PPM1H: variants seen among roughly 807,000 people sequenced by gnomAD.
PPM1H encodes the protein protein phosphatase, Mg2+/Mn2+ dependent 1H.
Under a neutral mutation model 54.9 loss-of-function variants are expected in PPM1H, and 27 were observed. The observed-to-expected ratio is 0.49, with a 90% CI of 0.36 to 0.68. The LOEUF (loss-of-function observed/expected upper bound fraction) is 0.68, where lower values mean the gene tolerates loss of function less well. Among genes scored for constraint, PPM1H ranks in the 30% least tolerant of loss-of-function variants. The pLI is 0.00. For synonymous variants in PPM1H, 305 were observed against 270.8 expected, an observed-to-expected ratio of 1.13 and a Z score of -1.24; for missense variants, 596 against 667.8, an observed-to-expected ratio of 0.89 and a Z score of 1.19.
chr12:62,755,636 A>T (rs1430566065), intron 4 of PPM1H: 9 of 654,180 alleles, frequency 1.4e-5, no homozygotes, highest in Non-Finnish European at 2.5e-5. Context: ...ATGAAGCATG[A>T]GAAGTAATGA....
chr12:62,677,084 C>A (rs1447150131), intron 8 of PPM1H, among the ~76,000 whole-genome samples: 1 of 152,120 alleles, frequency 6.6e-6, no homozygotes, highest in Non-Finnish European at 1.5e-5. Context: ...AACCTGCCTG[C>A]AGATAGGAGC....
At chr12:62,687,484 C>T (rs1186566536) in intron 8 of PPM1H, among the ~76,000 whole-genome samples, 2 of 151,860 alleles carry the variant, frequency 1.3e-5, no homozygotes, top group Admixed American at 1.3e-4. Context: ...ATGCTGGTCT[C>T]AAGCAATCCT....
At chr12:62,899,982 G>A (rs897104123) in intron 1 of PPM1H, among the ~76,000 whole-genome samples, 2 of 152,174 alleles carry the variant, frequency 1.3e-5, no homozygotes, top group African/African-American at 4.8e-5. Context: ...CAGCCATGTA[G>A]GACACAATAG....
At chr12:62,689,931 AG>A in intron 7 of PPM1H, 125 bp from the exon 8 acceptor site, 2 of 600,774 alleles carry the variant, frequency 3.3e-6, no homozygotes, top group Non-Finnish European at 5.9e-6. Flanking sequence ...ATATGTTTCC[AG>A]GCCCCTTGCT....
At chr12:62,761,883 C>T (rs1042369711) in intron 4 of PPM1H, among the ~76,000 whole-genome samples, 2 of 152,170 alleles carry the variant, frequency 1.3e-5, no homozygotes, top group East Asian at 1.9e-4. Flanking sequence ...TGAAGACTGA[C>T]CTCTGCAGAC....
chr12:62,770,302 T>TCCCCATTTC (rs1175852445), intron 4 of PPM1H, among the ~76,000 whole-genome samples: 1 of 152,114 alleles, frequency 6.6e-6, no homozygotes, highest in Non-Finnish European at 1.5e-5. Context: ...CCTCTTATTA[T>TCCCCATTTC]CCCCATTTCC....
rs1426076080 is a variant in PPM1H at position 62,926,228 on chromosome 12, G to A, written c.245+8264C>T. 1.3e-5 allele frequency among the ~76,000 whole-genome samples: 2 copies of A among 152,210 alleles called. 1 individual carries two copies. Among genetic ancestry groups the A allele is most frequent in the African/African-American group, 4.8e-5 (2 of 41,442 alleles). ...AGACTGAAAGAATGGCCACTTTGTT[G>A]CTGAATAGCTTTCTAGTTCAGGGTT... On this transcript the variant is annotated intron_variant, in intron 1 of 9. Coordinates refer to ENST00000228705, the MANE Select transcript of PPM1H (RefSeq NM_020700.2).
At chr12:62,843,113 T>G (rs1868817378) in intron 1 of PPM1H, among the ~76,000 whole-genome samples, 1 of 152,146 alleles carries the variant, frequency 6.6e-6, no homozygotes, top group South Asian at 2.1e-4. Context: ...GTCAGGAGTT[T>G]GAGACCAGTC....
intron 4 of PPM1H, among the ~76,000 whole-genome samples, chr12:62,742,993 G>C (rs183916247): frequency 2.6e-5 from 4 of 152,320 alleles, no homozygotes; most frequent in East Asian, 1.9e-4. Context: ...GTAAGGTTTA[G>C]GGTGTTCTTA....
intron 1 of PPM1H, among the ~76,000 whole-genome samples, chr12:62,855,888 G>A (rs1030721094): frequency 1.3e-5 from 2 of 152,202 alleles, no homozygotes; most frequent in African/African-American, 4.8e-5. Context: ...TACTTTGAAA[G>A]AGTTTGATCC....
intron 4 of PPM1H, among the ~76,000 whole-genome samples, chr12:62,752,775 G>T (rs2076449026): frequency 6.6e-6 from 1 of 152,148 alleles, no homozygotes; most frequent in Non-Finnish European, 1.5e-5. Context: ...TGTGGAAACA[G>T]AAAATTCTTA....
At chr12:62,856,499 A>T (rs1869395092) in intron 1 of PPM1H, among the ~76,000 whole-genome samples, 1 of 152,124 alleles carries the variant, frequency 6.6e-6, no homozygotes, top group Non-Finnish European at 1.5e-5. Context: ...GGTACATCCA[A>T]TGTATTACTG....
intron 1 of PPM1H, among the ~76,000 whole-genome samples, chr12:62,918,088 G>A (rs1871679778): frequency 6.6e-6 from 1 of 152,174 alleles, no homozygotes; most frequent in South Asian, 2.1e-4. Context: ...CCACAGCACT[G>A]TACAGCTGGG....
intron 2 of PPM1H, among the ~76,000 whole-genome samples, chr12:62,823,424 T>A (rs1256845189): frequency 6.6e-6 from 1 of 152,086 alleles, no homozygotes; most frequent in African/African-American, 2.4e-5. Flanking sequence ...TACCAAAGCC[T>A]GGCAGAGAGA....
At chr12:62,819,305 A>G (rs2076888289) in intron 2 of PPM1H, among the ~76,000 whole-genome samples, 1 of 149,680 alleles carries the variant, frequency 6.7e-6, no homozygotes, top group African/African-American at 2.5e-5. Flanking sequence ...AATTTTTTGT[A>G]TTTTTAGTAA....
At chr12:62,808,412 C>T (rs1388593025) in intron 2 of PPM1H, among the ~76,000 whole-genome samples, 2 of 152,156 alleles carry the variant, frequency 1.3e-5, no homozygotes, top group African/African-American at 2.4e-5. Context: ...TTAATTTATA[C>T]ATAGTGCCAT....
intron 1 of PPM1H, among the ~76,000 whole-genome samples, chr12:62,913,362 G>T (rs548867210): frequency 6.6e-6 from 1 of 152,238 alleles, no homozygotes; most frequent in Admixed American, 6.5e-5. Flanking sequence ...TTTTCAAAGT[G>T]ACCATCTGCA....
At chr12:62,883,183 CCTGCAG>C (rs1206257334) in intron 1 of PPM1H, among the ~76,000 whole-genome samples, 1 of 152,186 alleles carries the variant, frequency 6.6e-6, no homozygotes, top group African/African-American at 2.4e-5. Context: ...CTTCTGCCTA[CCTGCAG>C]CTCACCTCTC....
At chr12:62,886,913 C>G (rs1285639685) in intron 1 of PPM1H, among the ~76,000 whole-genome samples, 4 of 152,154 alleles carry the variant, frequency 2.6e-5, no homozygotes, top group African/African-American at 4.8e-5. Flanking sequence ...AAAGCAAAAC[C>G]CGGTGGCAGG....
Sources: allele counts gnomAD v4.1 joint callset (sites outside exome capture counted in the v4.1 genomes callset), GRCh38; gene constraint gnomAD v4.1.1; transcripts MANE v1.5; gene names NCBI Gene and HGNC (gene_info 2026-07-23, HGNC 2026-07-21).